The following ADAMTS13 variants were observed in gnomAD, a reference collection of about 807,000 sequenced individuals.
ADAMTS13 encodes the protein A disintegrin and metalloproteinase with thrombospondin motifs 13.
Under a neutral mutation model 155.1 loss-of-function variants are expected in ADAMTS13, and 110 were observed. The observed-to-expected ratio is 0.71, with a 90% CI of 0.61 to 0.83. The LOEUF is 0.83. Among genes scored for constraint, ADAMTS13 ranks in the 40% least tolerant of loss-of-function variants. ADAMTS13 has a pLI of 0.00. For missense variants in ADAMTS13, 1,707 were observed against 1,891.7 expected (o/e 0.90, Z 1.81); for synonymous variants, 758 against 756.4 (o/e 1.00, Z -0.03).
At chr9:133,457,868 C>A (rs782736272) in intron 27 of ADAMTS13, 42 bp from the exon 28 acceptor site, 2 of 1,612,530 alleles carry the variant, frequency 1.2e-6, no homozygotes, top group Non-Finnish European at 1.7e-6. Context: ...TCTGGCACCA[C>A]CGGTCTGTCT....
rs879074794 is a variant in ADAMTS13, at chr9:133,425,839, T to C, written c.415-99T>C. ...TCTCATCCCTAACACGGGCTAGTCA[T>C]AGGGTTGTTAGGAGGACTAACTGGG... On this transcript the variant is annotated intron_variant, in intron 4 of 28. Transcript: ENST00000355699. The surrounding 1 kb of genome is among the most constrained non-coding windows in gnomAD (Gnocchi z 4.6). The C allele has an allele frequency of 1.9e-6, 3 of 1,562,984 alleles. No homozygotes were observed. The highest frequency in any genetic ancestry group is 2.7e-5 in the African/African-American group (2 of 73,960).
At chr9:133,426,814 T>C (rs1205685275) in intron 6 of ADAMTS13, among the ~76,000 whole-genome samples, 2 of 152,134 alleles carry the variant, frequency 1.3e-5, no homozygotes, top group Non-Finnish European at 2.9e-5. Flanking sequence ...TTTTCTTTTT[T>C]TTTTTTGAGA....
intron 1 of ADAMTS13, chr9:133,414,839 G>A (rs1839472113): frequency 6.2e-7 from 1 of 1,614,186 alleles, no homozygotes; most frequent in South Asian, 1.1e-5. Flanking sequence ...GGAACCTGAA[G>A]GAACAGAGCC....
chr9:133,447,131 A>G (rs1461360897), intron 21 of ADAMTS13, among the ~76,000 whole-genome samples: 1 of 152,176 alleles, frequency 6.6e-6, no homozygotes, highest in Non-Finnish European at 1.5e-5. Flanking sequence ...CTGGGATTAC[A>G]GGCGTGAGCC....
chr9:133,449,808 A>G lies in ADAMTS13; in HGVS notation c.2887A>G (p.Ser963Gly), dbSNP rs1167945465. 5 of 1,613,900 alleles carry G rather than the reference A, an allele frequency of 3.1e-6. No individual in the cohort carries two copies. Among genetic ancestry groups the G allele is most frequent in the Non-Finnish European group, 4.2e-6 (5 of 1,180,040 alleles). ...GTGGCAGTACAAGCTGGCGGCCTGC[A>G]GCGTGAGCTGTGGGAGAGGGGTCGT... ...ARWQYKLAACSVSCGRGVVRR... is the reference protein window; with the variant it reads ...ARWQYKLAACGVSCGRGVVRR... Residue 963 changes from serine (S) to glycine (G), a missense_variant, in exon 23 of 29, where the codon AGC becomes GGC. Ser to Gly is a moderately conservative substitution (Grantham distance 56, BLOSUM62 0). Transcript: ENST00000355699.
chr9:133,425,681 C>T lies in ADAMTS13; in HGVS notation c.414+69C>T. ...GCCCAAGTCATCGCATCTCCATCCT[C>T]TTTAACCTCTTGTCCCGGATGCCCC... On this transcript the variant is annotated intron_variant, in intron 4 of 28. Coordinates refer to ENST00000355699, the MANE Select transcript of ADAMTS13 (RefSeq NM_139027.6). This position sits in a 1 kb window ranked among gnomAD's most constrained non-coding sequence, Gnocchi z 4.6. 1.3e-6 allele frequency: 2 copies of T among 1,530,094 alleles called. No homozygotes were observed. Among genetic ancestry groups the T allele is most frequent in the Non-Finnish European group, 1.8e-6 (2 of 1,119,884 alleles). 94.8% of individuals were successfully genotyped at this position (1,530,094 alleles called of 1,614,324 possible). A position where few individuals can be genotyped will look rare whatever the true frequency, so the allele number is the denominator to read the frequency against.
intron 1 of ADAMTS13, chr9:133,414,846 A>G (rs1554781207): frequency 6.2e-7 from 1 of 1,614,108 alleles, no homozygotes. Context: ...GAAGGAACAG[A>G]GCCCCTGCTG....
At chr9:133,438,452 C>A in intron 14 of ADAMTS13, 86 bp downstream of exon 14, 1 of 1,573,768 alleles carries the variant, frequency 6.4e-7, no homozygotes, top group East Asian at 2.3e-5. Flanking sequence ...AGGGGCTGCT[C>A]AGGTCACAGG....
rs916125442 is a variant in ADAMTS13, at chr9:133,448,297, T to C, written c.2732-302T>C. On this transcript the variant is annotated intron_variant, in intron 21 of 28. Transcript: ENST00000355699. ...CTGGCCCATATTGCAATTCTTATAA[T>C]GCCTCTCGGTCAACAATAACAGCTA... Among the ~76,000 whole-genome samples, 24 of 152,228 alleles carry C rather than the reference T, an allele frequency of 1.6e-4. 1 individual carries two copies. The highest frequency in any genetic ancestry group is 5.5e-4 in the African/African-American group (23 of 41,472).
At position 133,455,614 on chromosome 9, in the gene ADAMTS13, G is replaced by C. The variant is rs587636069; in HGVS notation, c.3400+179G>C. On this transcript the variant is annotated intron_variant, in intron 25 of 28. Transcript: ENST00000355699. ...ACTCAGTGCAGTCCAGTTATGTCCT[G>C]TCCTCCTTCCTGTCAGGCAGCTGCT... 23 of 1,599,500 alleles carry C rather than the reference G, an allele frequency of 1.4e-5. No homozygotes were observed. In the South Asian group the frequency reaches 2.1e-4, roughly 15 times the overall value.
At position 133,442,504 on chromosome 9, in the gene ADAMTS13, C is replaced by T. The variant is rs121908475; in HGVS notation, c.2074C>T (p.Arg692Cys). The change falls in exon 17 of 29, where the codon CGT becomes TGT. Residue 692 changes from arginine (R) to cysteine (C), a missense_variant. By Grantham distance (180) the Arg-to-Cys change is radical (BLOSUM62 -3). Coordinates refer to ENST00000355699, the MANE Select transcript of ADAMTS13 (RefSeq NM_139027.6). Reference sequence around the variant, plus strand: ...GCAGGCCTGGGTGTGGGCCGCTGTGCGTGGGCCCTGCTCGGTGAGCTGTGG... The same window carrying T: ...GCAGGCCTGGGTGTGGGCCGCTGTGTGTGGGCCCTGCTCGGTGAGCTGTGG... ...PRQAWVWAAV[R>C]GPCSVSCGAG... The T allele has an allele frequency of 6.8e-6, 11 of 1,613,556 alleles. No individual in the cohort carries two copies. The highest frequency in any genetic ancestry group is 6.7e-5 in the East Asian group (3 of 44,888).
chr9:133,430,009 G>T lies in ADAMTS13; in HGVS notation c.895G>T (p.Ala299Ser). 1.3e-6 allele frequency: 2 copies of T among 1,578,444 alleles called. No homozygotes were observed. The highest frequency in any genetic ancestry group is 1.7e-6 in the Non-Finnish European group (2 of 1,167,394). Residue 299 changes from alanine (A) to serine (S), a missense_variant, in exon 8 of 29, where the codon GCG becomes TCG. Physicochemically the swap from Ala to Ser is moderately conservative, Grantham distance 99. Transcript: ENST00000355699. ...CGGGTCCGCGGGGCACCCGCCGGAT[G>T]CGCAGCCTGGCCTCTACTACAGCGC... is the stretch of plus-strand genomic sequence containing the variant. ...QPGSAGHPPDAQPGLYYSANE... is the reference protein window; with the variant it reads ...QPGSAGHPPDSQPGLYYSANE...
In ADAMTS13 at chr9:133,455,339, CCCCAGG is replaced by C; in HGVS notation, c.3312_3317del (p.Gln1105_Ala1106del). ...GCGCCGGCGTGACACCTGCCTCGGACCCCAGGCCCAGGCGCCTGTGCCAGCTGATTT... is the reference window on the plus strand; with the variant it reads ...GCGCCGGCGTGACACCTGCCTCGGACCCCAGGCGCCTGTGCCAGCTGATTT... On this transcript the variant is annotated inframe_deletion, in exon 25 of 29. Transcript: ENST00000355699. 1.9e-6 allele frequency: 3 copies of C among 1,609,778 alleles called. No individual in the cohort carries two copies. The highest frequency in any genetic ancestry group is 2.5e-6 in the Non-Finnish European group (3 of 1,179,984).
At chr9:133,447,173 A>G (rs1338844301) in intron 21 of ADAMTS13, among the ~76,000 whole-genome samples, 4 of 151,736 alleles carry the variant, frequency 2.6e-5, no homozygotes, top group African/African-American at 9.7e-5. Flanking sequence ...TGTTTTTTTT[A>G]TAATGGCCAT....
rs1554784079 is a variant in ADAMTS13, at chr9:133,423,179, G to A, written c.172+12G>A. On this transcript the variant is annotated intron_variant, in intron 2 of 28. Coordinates refer to ENST00000355699, the MANE Select transcript of ADAMTS13 (RefSeq NM_139027.6). ...TGCTCCCTTAAAAGGTACTTGTCCT[G>A]GTGTCTTCTCTCCCGGGGGGAGTTT... The A allele has an allele frequency of 1.2e-6, 2 of 1,613,206 alleles. No individual in the cohort carries two copies. The highest frequency in any genetic ancestry group is 1.7e-6 in the Non-Finnish European group (2 of 1,179,432).
At chr9:133,423,477 G>A (rs1249935658) in intron 2 of ADAMTS13, among the ~76,000 whole-genome samples, 6 of 152,194 alleles carry the variant, frequency 3.9e-5, no homozygotes, top group Non-Finnish European at 8.8e-5. Flanking sequence ...AGCTCTTGTG[G>A]TTTCTGACCG....
Position 133,456,011 on chromosome 9 carries a change from G to A in ADAMTS13, c.3401-58G>A, listed in dbSNP as rs949597332. On this transcript the variant is annotated intron_variant, in intron 25 of 28. Transcript: ENST00000355699. This position sits in a 1 kb window ranked among gnomAD's most constrained non-coding sequence, Gnocchi z 4.4. ...CCTTCCTCAGCTTGGAAGCCCCGGA[G>A]CCTGCCCTGCTGGGAATCGGGGAAG... 6.2e-7 allele frequency: 1 copy of A among 1,610,924 alleles called. No homozygotes were observed. Among genetic ancestry groups the A allele is most frequent in the Non-Finnish European group, 8.5e-7 (1 of 1,179,272 alleles).
At chr9:133,423,058 G>C (rs1840061969) in intron 1 of ADAMTS13, 43 bp from the exon 2 acceptor site, 17 of 1,586,812 alleles carry the variant, frequency 1.1e-5, no homozygotes, top group Non-Finnish European at 1.4e-5. Context: ...TTACAGGCCA[G>C]AGCCACTATG....
In ADAMTS13 at chr9:133,456,209, A is replaced by G. The variant is rs781787130; in HGVS notation, c.3541A>G (p.Ser1181Gly). The G allele has an allele frequency of 2.4e-5, 38 of 1,613,388 alleles. No homozygotes were observed. In the Admixed American group the frequency reaches 6.2e-4, roughly 26 times the overall value. ...CGTCCTTGAGAGTTCTCTCAACTGC[A>G]GTGCGGGTATGTCTAGGGCCATGCA... ...LRVLESSLNC[S>G]AGDMLLLWGR... The change falls in exon 26 of 29, where the codon AGT (serine) becomes GGT (glycine). Residue 1181 changes from serine to glycine, a missense_variant. Physicochemically the swap from Ser to Gly is moderately conservative, Grantham distance 56 (BLOSUM62 0). This residue lies in a region of ADAMTS13 where 961 missense variants were observed against 1,107.9 expected (regional missense o/e 0.87). Transcript: ENST00000355699. The surrounding 1 kb of genome is among the most constrained non-coding windows in gnomAD (Gnocchi z 4.4).
Sources: allele counts gnomAD v4.1 joint callset (sites outside exome capture counted in the v4.1 genomes callset), GRCh38; gene constraint gnomAD v4.1.1; regional missense constraint gnomAD v4.1.1; non-coding constraint Gnocchi (gnomAD v3.1); transcripts MANE v1.5; gene names NCBI Gene and HGNC (gene_info 2026-07-23, HGNC 2026-07-21).